DGKH: variants seen among roughly 807,000 people sequenced by gnomAD.
DGKH encodes diacylglycerol kinase eta.
A neutral mutation model predicts 159.3 loss-of-function variants in DGKH; 90 were observed. The ratio of observed to expected loss-of-function variants is 0.57; its 90% CI spans 0.48 to 0.67. The LOEUF (loss-of-function observed/expected upper bound fraction) is 0.67. Among genes scored for constraint, DGKH ranks in the 30% least tolerant of loss-of-function variants. The probability of loss-of-function intolerance (pLI) is 0.00; values close to 1 mark genes in which losing one functional copy is unlikely to be tolerated. For missense variants in DGKH, 1,181 were observed against 1,506.1 expected, an observed-to-expected ratio of 0.78 and a Z score of 3.57; for synonymous variants, 536 against 553.8, an observed-to-expected ratio of 0.97 and a Z score of 0.45.
intron 9 of DGKH, 102 bp downstream of exon 9, chr13:42,166,776 C>A: frequency 9.8e-7 from 1 of 1,020,734 alleles, no homozygotes; most frequent in Non-Finnish European, 1.3e-6. Context: ...CTCTAGATCC[C>A]TCCCTCGTTT....
intron 3 of DGKH, among the ~76,000 whole-genome samples, chr13:42,133,668 C>T (rs1955338331): frequency 6.6e-6 from 1 of 152,132 alleles, no homozygotes; most frequent in Non-Finnish European, 1.5e-5. Context: ...TGCTCTCCAG[C>T]CTGGACAACA....
At chr13:42,251,933 C>G (rs1055655472) in intron 29 of DGKH, among the ~76,000 whole-genome samples, 1 of 152,172 alleles carries the variant, frequency 6.6e-6, no homozygotes, top group South Asian at 2.1e-4. Flanking sequence ...ATTATTCATC[C>G]TGTCCTCATC....
intron 25 of DGKH, among the ~76,000 whole-genome samples, chr13:42,214,866 T>C (rs80166140): frequency 2.2e-4 from 33 of 152,310 alleles, no homozygotes; most frequent in African/African-American, 7.9e-4. Flanking sequence ...TCTTCACTTC[T>C]TTCTTTTTTG....
intron 27 of DGKH, 71 bp from the exon 28 acceptor site, chr13:42,219,615 C>T: frequency 7.3e-7 from 1 of 1,378,466 alleles, no homozygotes; most frequent in Non-Finnish European, 9.9e-7. Context: ...CCTGTGTTAT[C>T]CCTATTATCA....
chr13:42,155,300 C>A lies in DGKH; in HGVS notation c.394C>A (p.Pro132Thr). The change falls in exon 4 of 30, where the codon CCA (proline) becomes ACA (threonine). Residue 132 changes from proline to threonine, a missense_variant. Physicochemically the swap from Pro to Thr is conservative, Grantham distance 38. Coordinates refer to ENST00000337343, the MANE Select transcript of DGKH (RefSeq NM_178009.5). ...GAATTATCCCTTTCAGATCATCACTCCATTCAGAAGGCTAATGCTGTGTGC... is the reference window on the plus strand; with the variant it reads ...GAATTATCCCTTTCAGATCATCACTACATTCAGAAGGCTAATGCTGTGTGC... ...NANNSFTIIT[P>T]FRRLMLCAEN... 6.3e-7 allele frequency: 1 copy of A among 1,597,458 alleles called. No individual in the cohort carries two copies. Among genetic ancestry groups the A allele is most frequent in the Admixed American group, 1.8e-5 (1 of 54,356 alleles).
At chr13:42,198,033 A>G (rs751168179) in intron 17 of DGKH, among the ~76,000 whole-genome samples, 4 of 152,220 alleles carry the variant, frequency 2.6e-5, no homozygotes, top group Non-Finnish European at 4.4e-5. Context: ...ACCTTAATAC[A>G]TCTCTTAATA....
At chr13:42,087,561 A>C (rs1011648357) in intron 1 of DGKH, among the ~76,000 whole-genome samples, 1 of 152,314 alleles carries the variant, frequency 6.6e-6, no homozygotes, top group South Asian at 2.1e-4. Flanking sequence ...GGTAAAAAAA[A>C]CATGAACACA....
intron 3 of DGKH, among the ~76,000 whole-genome samples, chr13:42,137,576 G>T (rs973897008): frequency 4.6e-5 from 7 of 152,150 alleles, no homozygotes; most frequent in African/African-American, 1.7e-4. Context: ...AATAAATGTG[G>T]TTTAGGTAGT....
At chr13:42,069,461 C>T in intron 1 of DGKH, 1 of 1,533,650 alleles carries the variant, frequency 6.5e-7, no homozygotes, top group Non-Finnish European at 9.0e-7. Flanking sequence ...TCAACAACAT[C>T]AGTAGACTCA....
intron 18 of DGKH, 43 bp from the exon 19 acceptor site, chr13:42,199,523 G>T: frequency 7.6e-7 from 1 of 1,316,942 alleles, no homozygotes; most frequent in South Asian, 1.4e-5. Context: ...TTGTTATAAT[G>T]AATCTCAAAT....
chr13:42,228,988 T>G, intron 29 of DGKH, 111 bp from the exon 30 acceptor site: 2 of 852,236 alleles, frequency 2.3e-6, no homozygotes, highest in Non-Finnish European at 3.6e-6. Context: ...TAATCCCCAA[T>G]TTTCTATTTT....
At chr13:42,173,964 C>A in intron 11 of DGKH, 96 bp from the exon 12 acceptor site, 3 of 604,292 alleles carry the variant, frequency 5.0e-6, no homozygotes, top group South Asian at 4.3e-5. Context: ...TGTGTGCGTG[C>A]GTGTGTGTGT....
At chr13:42,170,586 G>C (rs1443335192) in intron 11 of DGKH, among the ~76,000 whole-genome samples, 4 of 152,002 alleles carry the variant, frequency 2.6e-5, no homozygotes, top group Non-Finnish European at 5.9e-5. Flanking sequence ...AGAAACTTAA[G>C]ATCTTTGTTA....
chr13:42,106,462 G>A (rs1954758483), intron 1 of DGKH, among the ~76,000 whole-genome samples: 1 of 152,184 alleles, frequency 6.6e-6, no homozygotes, highest in Admixed American at 6.5e-5. Flanking sequence ...TAGACAATGA[G>A]AGTAACATGT....
chr13:42,200,546 T>TG (rs1311598501), intron 20 of DGKH, among the ~76,000 whole-genome samples: 1 of 152,240 alleles, frequency 6.6e-6, no homozygotes, highest in Non-Finnish European at 1.5e-5. Flanking sequence ...TTTATGCCGA[T>TG]GGGGCATGTC....
chr13:42,127,545 G>T lies in DGKH; in HGVS notation c.275G>T (p.Arg92Leu), dbSNP rs150403121. 1 of 1,613,464 alleles carries T rather than the reference G, an allele frequency of 6.2e-7. No homozygotes were observed. Among genetic ancestry groups the T allele is most frequent in the South Asian group, 1.1e-5 (1 of 91,048 alleles). Residue 92 changes from arginine (R) to leucine (L), a missense_variant, in exon 2 of 30, where the codon CGC (arginine) becomes CTC (leucine). Coordinates refer to ENST00000337343, the MANE Select transcript of DGKH (RefSeq NM_178009.5). The part of the protein sequence containing the change: ...WKKRYFKLRG[R>L]TLYYAKDSKS... ...AAGCGATACTTCAAACTTCGAGGCCGCACCCTTTACTATGCAAAGGACTCA... is the reference window on the plus strand; with the variant it reads ...AAGCGATACTTCAAACTTCGAGGCCTCACCCTTTACTATGCAAAGGACTCA...
intron 3 of DGKH, among the ~76,000 whole-genome samples, chr13:42,150,631 A>G (rs1955855705): frequency 6.6e-6 from 1 of 152,220 alleles, no homozygotes; most frequent in Non-Finnish European, 1.5e-5. Flanking sequence ...GAGCTTAATT[A>G]TTAGTTCTTT....
chr13:42,161,877 G>T (rs12865430), intron 7 of DGKH, among the ~76,000 whole-genome samples: 18,197 of 151,766 alleles, frequency 0.12, 1,585 homozygotes, highest in East Asian at 0.42. Context: ...CCTGCAATTT[G>T]TATATCTTTA....
At chr13:42,089,104 G>T (rs1447513539) in intron 1 of DGKH, among the ~76,000 whole-genome samples, 4 of 152,134 alleles carry the variant, frequency 2.6e-5, no homozygotes, top group Non-Finnish European at 5.9e-5. Context: ...TAACAGCTTT[G>T]AAATGCATGA....
Sources: allele counts gnomAD v4.1 joint callset (sites outside exome capture counted in the v4.1 genomes callset), GRCh38; gene constraint gnomAD v4.1.1; transcripts MANE v1.5; gene names NCBI Gene and HGNC (gene_info 2026-07-23, HGNC 2026-07-21).